The following PRLR variants were observed in gnomAD, a reference collection of about 807,000 sequenced individuals.
The protein encoded by PRLR is prolactin receptor.
In PRLR, 13 loss-of-function variants were observed where a neutral mutation model predicts 40.2. The observed-to-expected ratio is 0.32, with a 90% CI of 0.21 to 0.51. The LOEUF is 0.51. Among genes scored for constraint, PRLR ranks in the 20% least tolerant of loss-of-function variants. PRLR has a pLI of 0.97. For synonymous variants in PRLR, 269 were observed against 278.7 expected, an observed-to-expected ratio of 0.97 and a Z score of 0.35; for missense variants, 656 against 747.3, an observed-to-expected ratio of 0.88 and a Z score of 1.42.
intron 1 of PRLR, among the ~76,000 whole-genome samples, chr5:35,204,245 A>C (rs553255574): frequency 4.6e-5 from 7 of 152,002 alleles, no homozygotes; most frequent in African/African-American, 1.7e-4. Flanking sequence ...AAATGAAAAA[A>C]AAAACATAAA....
intron 2 of PRLR, among the ~76,000 whole-genome samples, chr5:35,109,280 G>T (rs1441277502): frequency 6.6e-6 from 1 of 152,112 alleles, no homozygotes; most frequent in Non-Finnish European, 1.5e-5. Context: ...GAAAATCTAG[G>T]CAATACCATT....
At chr5:35,104,874 G>A (rs971487707) in intron 2 of PRLR, among the ~76,000 whole-genome samples, 3 of 152,184 alleles carry the variant, frequency 2.0e-5, no homozygotes, top group African/African-American at 7.2e-5. Flanking sequence ...GAAAGTAGTG[G>A]TTCTCCCACC....
chr5:35,198,887 A>G (rs1357222591), intron 1 of PRLR, among the ~76,000 whole-genome samples: 1 of 152,174 alleles, frequency 6.6e-6, no homozygotes, highest in Non-Finnish European at 1.5e-5. Flanking sequence ...TCTGCCTACA[A>G]TGAGAAGCTG....
intron 9 of PRLR, among the ~76,000 whole-genome samples, chr5:35,067,113 T>A (rs1289955244): frequency 6.6e-6 from 1 of 152,158 alleles, no homozygotes; most frequent in Admixed American, 6.5e-5. Flanking sequence ...AGGTCTTGGC[T>A]TTATCACTTA....
chr5:35,222,938 G>C (rs759118603), intron 1 of PRLR, among the ~76,000 whole-genome samples: 10 of 152,166 alleles, frequency 6.6e-5, no homozygotes, highest in Non-Finnish European at 1.0e-4. Context: ...AAAGCCCTTG[G>C]CAATGATTAC....
chr5:35,052,459 T>C (rs576743471), downstream of PRLR, among the ~76,000 whole-genome samples: 4 of 152,114 alleles, frequency 2.6e-5, no homozygotes, highest in South Asian at 8.3e-4. Flanking sequence ...TAACTAAGGG[T>C]ATCTGAAAAA....
At chr5:35,117,268 C>T (rs570382026) in intron 2 of PRLR, among the ~76,000 whole-genome samples, 13 of 152,132 alleles carry the variant, frequency 8.5e-5, no homozygotes, top group African/African-American at 3.1e-4. Flanking sequence ...AGTAAGTTTC[C>T]CTAGATGGCC....
At chr5:35,118,022 G>A in intron 2 of PRLR, 39 bp downstream of exon 2, 2 of 950,264 alleles carry the variant, frequency 2.1e-6, no homozygotes, top group Non-Finnish European at 2.5e-6. Flanking sequence ...GGGCAGATGG[G>A]TGGTGTGACC....
intron 1 of PRLR, among the ~76,000 whole-genome samples, chr5:35,171,740 G>C (rs192922479): frequency 7.9e-4 from 120 of 152,204 alleles, no homozygotes; most frequent in African/African-American, 2.7e-3. Context: ...GTATGCCTGG[G>C]TTGTAGGACA....
At chr5:35,223,849 G>A (rs182353401) in intron 1 of PRLR, among the ~76,000 whole-genome samples, 188 of 152,274 alleles carry the variant, frequency 1.2e-3, no homozygotes, top group Admixed American at 4.2e-3. Flanking sequence ...TAGATTTCCT[G>A]GCTTACACAA....
intron 1 of PRLR, among the ~76,000 whole-genome samples, chr5:35,202,133 A>G (rs576112618): frequency 3.3e-5 from 5 of 152,322 alleles, no homozygotes; most frequent in African/African-American, 1.2e-4. Context: ...TGTGAGATGG[A>G]GATGATAATA....
intron 2 of PRLR, 135 bp downstream of exon 2, chr5:35,117,926 T>C (rs1773120666): frequency 3.6e-6 from 1 of 276,658 alleles, no homozygotes; most frequent in South Asian, 1.4e-4. Flanking sequence ...GACAGCAGAA[T>C]GTGCCAGTGT....
intron 1 of PRLR, among the ~76,000 whole-genome samples, chr5:35,137,169 G>C (rs1485996418): frequency 6.6e-6 from 1 of 152,142 alleles, no homozygotes; most frequent in Non-Finnish European, 1.5e-5. Flanking sequence ...GATAACAATA[G>C]ACATTACGAT....
At position 35,077,326 on chromosome 5, in the gene PRLR, G is replaced by C. The variant is rs183797557; in HGVS notation, c.374-4582C>G. Among the ~76,000 whole-genome samples the C allele has an allele frequency of 3.4e-3, 511 of 152,172 alleles. 5 individuals carry two copies. The highest frequency in any genetic ancestry group is 0.011 in the African/African-American group (475 of 41,500). ...ATTTCCCATGCAGAGACACACATAG[G>C]CTCAAAATAAAGGAATGGAGGAAGA... On this transcript the variant is annotated intron_variant, in intron 5 of 9. Transcript: ENST00000618457.
Position 35,066,067 on chromosome 5 carries a change from T to C in PRLR, c.891A>G (p.Gly297=), listed in dbSNP as rs768400183. 6.2e-7 allele frequency: 1 copy of C among 1,614,082 alleles called. No individual in the cohort carries two copies. Among genetic ancestry groups the C allele is most frequent in the South Asian group, 1.1e-5 (1 of 91,068 alleles). ...GKSEELLSAL[G]CQDFPPTSDY... is the part of the protein sequence containing the mutation. ...CAGAAGTGGGAGGAAAGTCTTGGCA[T>C]CCCAAGGCACTCAGTAGTTCTTCAG... The change falls in exon 10 of 10, where the codon GGA becomes GGG. Residue 297 remains glycine (G), a synonymous_variant. Transcript: ENST00000618457.
At chr5:35,072,062 A>G (rs1331652283) in intron 6 of PRLR, among the ~76,000 whole-genome samples, 1 of 151,372 alleles carries the variant, frequency 6.6e-6, no homozygotes, top group African/African-American at 2.4e-5. Context: ...CACCTGGCTA[A>G]TTTTTTTGTA....
At chr5:35,049,208 G>A in exon 9 of PRLR, 1 of 701,516 alleles carries the variant, frequency 1.4e-6, no homozygotes, top group Non-Finnish European at 2.6e-6. Context: ...GCATCTCCCT[G>A]GGGTGCACAG....
Position 35,087,422 on chromosome 5 carries a change from T to TTGTGTGTG in PRLR, c.71-1090_71-1083dup, listed in dbSNP as rs10691744. On this transcript the variant is annotated intron_variant, in intron 3 of 9. Transcript: ENST00000618457. ...TCTCTTAGATTTTCCTCTCTTTCCTTTGTGTGTGTGTGTGTGTGTGTGTGT... is the reference window on the plus strand; with the variant it reads ...TCTCTTAGATTTTCCTCTCTTTCCTTTGTGTGTGTGTGTGTGTGTGTGTGTGTGTGTGT... 8.1e-3 allele frequency among the ~76,000 whole-genome samples: 1,145 copies of TTGTGTGTG among 140,912 alleles called. 8 individuals carry two copies. The highest frequency in any genetic ancestry group is 0.022 in the African/African-American group (810 of 37,570). The allele number at this position is 140,912 out of a possible 152,430, so 92.4% of individuals were successfully genotyped here.
intron 1 of PRLR, among the ~76,000 whole-genome samples, chr5:35,158,965 A>G (rs908266461): frequency 6.6e-6 from 1 of 152,166 alleles, no homozygotes; most frequent in African/African-American, 2.4e-5. Context: ...AGCTAATTAT[A>G]TTTATTTATA....
Sources: gnomAD v4.1 joint callset for allele counts (sites outside exome capture counted in the v4.1 genomes callset) on GRCh38, gnomAD v4.1.1 for gene constraint, MANE v1.5 for transcripts, NCBI Gene and HGNC (gene_info 2026-07-23, HGNC 2026-07-21) for gene names.